Variants in CCDC102B observed in about 807,000 individuals in gnomAD.
CCDC102B encodes the protein coiled-coil domain-containing protein 102B.
A neutral mutation model predicts 57.4 loss-of-function variants in CCDC102B; 75 were observed. The observed-to-expected ratio is 1.31, with a 90% CI of 1.08 to 1.58. The LOEUF is 1.58. CCDC102B is among the 40% of genes most tolerant of loss of function. The pLI is 0.00. For missense variants in CCDC102B, 636 were observed against 582.6 expected (o/e 1.09, Z -0.94); for synonymous variants, 206 against 201.9 (o/e 1.02, Z -0.17).
chr18:68,941,049 G>T (rs973363846), intron 6 of CCDC102B, among the ~76,000 whole-genome samples: 1 of 150,568 alleles, frequency 6.6e-6, no homozygotes, highest in Non-Finnish European at 1.5e-5. Flanking sequence ...CTGAAACATA[G>T]GTAGAAGGAG....
intron 7 of CCDC102B, among the ~76,000 whole-genome samples, chr18:69,017,173 T>C (rs1413377127): frequency 6.6e-6 from 1 of 152,216 alleles, no homozygotes; most frequent in Non-Finnish European, 1.5e-5. Flanking sequence ...TGGAGTGCAG[T>C]GGGGCGGTCT....
intron 6 of CCDC102B, among the ~76,000 whole-genome samples, chr18:68,922,087 C>CTG (rs2041302118): frequency 1.3e-5 from 2 of 152,056 alleles, no homozygotes; most frequent in Admixed American, 1.3e-4. Context: ...CCATGCACAC[C>CTG]AGAATCCTGC....
intron 1 of CCDC102B, among the ~76,000 whole-genome samples, chr18:68,799,821 GA>G (rs766017073): frequency 6.6e-6 from 1 of 152,098 alleles, no homozygotes. Context: ...GATTGGAGCA[GA>G]AAAAATATAC....
intron 2 of CCDC102B, among the ~76,000 whole-genome samples, chr18:68,784,796 A>T (rs947960253): frequency 6.6e-6 from 1 of 152,126 alleles, no homozygotes; most frequent in Non-Finnish European, 1.5e-5. Flanking sequence ...TTGTCTTTAA[A>T]GCCATAGATT....
At chr18:68,911,647 G>C (rs2040864679) in intron 6 of CCDC102B, among the ~76,000 whole-genome samples, 1 of 146,330 alleles carries the variant, frequency 6.8e-6, no homozygotes, top group South Asian at 2.2e-4. Flanking sequence ...AGCTACTCGA[G>C]AGGCTGAGGC....
At chr18:69,045,022 G>T (rs1308038075) in intron 7 of CCDC102B, among the ~76,000 whole-genome samples, 4 of 152,024 alleles carry the variant, frequency 2.6e-5, no homozygotes, top group Non-Finnish European at 5.9e-5. Flanking sequence ...CTTGTTGTGT[G>T]TGCGCTCCTG....
At chr18:68,828,339 A>G (rs1028499511) in intron 1 of CCDC102B, among the ~76,000 whole-genome samples, 1 of 150,700 alleles carries the variant, frequency 6.6e-6, no homozygotes, top group Admixed American at 6.6e-5. Context: ...AAAAAAAAAA[A>G]AAAAAAAACC....
intron 7 of CCDC102B, among the ~76,000 whole-genome samples, chr18:69,046,326 T>C (rs1368364814): frequency 6.6e-6 from 1 of 152,194 alleles, no homozygotes; most frequent in East Asian, 1.9e-4. Flanking sequence ...CATTGTGGTT[T>C]TTATTTGCAT....
At position 68,838,709 on chromosome 18, in the gene CCDC102B, C is replaced by T; in HGVS notation, c.610C>T (p.Gln204Ter). 1.2e-6 allele frequency: 2 copies of T among 1,613,042 alleles called. No individual in the cohort carries two copies. Among genetic ancestry groups the T allele is most frequent in the Non-Finnish European group, 1.7e-6 (2 of 1,179,446 alleles). ...STKEDTNNKE[Q>*]GVVIDSLKLS... ...TTTTGTTTTGTTTTGTCTTCAGGAACAAGGTGTGGTTATTGATTCTCTAAA... is the reference window on the plus strand; with the variant it reads ...TTTTGTTTTGTTTTGTCTTCAGGAATAAGGTGTGGTTATTGATTCTCTAAA... Residue 204 changes from glutamine to a stop codon, truncating the protein, a stop_gained, in exon 3 of 8, where the codon CAA becomes TAA. Coordinates refer to ENST00000360242, the MANE Select transcript of CCDC102B (RefSeq NM_024781.3). LOFTEE classifies it high-confidence loss of function.
intron 5 of CCDC102B, among the ~76,000 whole-genome samples, chr18:68,885,502 A>C (rs574544522): frequency 1.3e-5 from 2 of 152,220 alleles, no homozygotes; most frequent in South Asian, 2.1e-4. Context: ...GCAGTGATAG[A>C]TAAATAAATG....
chr18:68,877,699 T>G (rs1020444550), intron 5 of CCDC102B, among the ~76,000 whole-genome samples: 1 of 152,242 alleles, frequency 6.6e-6, no homozygotes, highest in Non-Finnish European at 1.5e-5. Flanking sequence ...TTAGAACTTT[T>G]CCATCATTAT....
chr18:68,928,391 G>A (rs973096329), intron 6 of CCDC102B, among the ~76,000 whole-genome samples: 1 of 151,882 alleles, frequency 6.6e-6, no homozygotes, highest in Non-Finnish European at 1.5e-5. Flanking sequence ...TTGATAATTA[G>A]AGAGGCAGAG....
chr18:68,924,666 G>C (rs914373287), intron 6 of CCDC102B, among the ~76,000 whole-genome samples: 25 of 152,182 alleles, frequency 1.6e-4, no homozygotes, highest in Admixed American at 1.6e-3. Context: ...TTCTATGTGA[G>C]GGGAGATAGG....
intron 6 of CCDC102B, among the ~76,000 whole-genome samples, chr18:68,910,021 GA>G (rs2040782627): frequency 6.6e-6 from 1 of 152,126 alleles, no homozygotes. Context: ...ATTAGACTGG[GA>G]ATCCCATCTG....
In CCDC102B at chr18:68,952,554, C is replaced by A. The variant is rs184032986; in HGVS notation, c.1263+55126C>A. 3.9e-5 allele frequency among the ~76,000 whole-genome samples: 6 copies of A among 152,158 alleles called. No homozygotes were observed. The East Asian group carries it at 7.7e-4, about 20-fold the overall frequency. On this transcript the variant is annotated intron_variant, in intron 6 of 7. Transcript: ENST00000360242. ...GCTAAGTGAAGATGATCTGCCCTCACCCCTATTCTTTAGGTTTTACTCAAA... is the reference window on the plus strand; with the variant it reads ...GCTAAGTGAAGATGATCTGCCCTCAACCCTATTCTTTAGGTTTTACTCAAA...
At chr18:68,996,423 C>T (rs1029093818) in intron 6 of CCDC102B, among the ~76,000 whole-genome samples, 2 of 152,176 alleles carry the variant, frequency 1.3e-5, no homozygotes, top group Admixed American at 1.3e-4. Context: ...GACTGGCTTC[C>T]TGGCTTTTCG....
In CCDC102B at chr18:68,911,918, G is replaced by T. The variant is rs181530545; in HGVS notation, c.1263+14490G>T. ...AAAGTAAAAAAAAAGTTAGCTCCAG[G>T]AACTAAAATGTCAGCATACATTTAC... On this transcript the variant is annotated intron_variant, in intron 6 of 7. Transcript: ENST00000360242. Among the ~76,000 whole-genome samples the T allele has an allele frequency of 2.6e-3, 391 of 151,778 alleles. 1 individual carries two copies. The highest frequency in any genetic ancestry group is 4.6e-3 in the Non-Finnish European group (312 of 67,910).
At chr18:68,853,047 C>T (rs2038205226) in intron 4 of CCDC102B, among the ~76,000 whole-genome samples, 2 of 152,162 alleles carry the variant, frequency 1.3e-5, no homozygotes, top group South Asian at 2.1e-4. Flanking sequence ...TCCACTCTGA[C>T]TTTTCACCCA....
At chr18:68,946,582 G>A (rs1258197878) in intron 6 of CCDC102B, among the ~76,000 whole-genome samples, 4 of 151,866 alleles carry the variant, frequency 2.6e-5, no homozygotes, top group Non-Finnish European at 5.9e-5. Context: ...ACATTATATG[G>A]CTAAGTGCTT....
Sources: gnomAD v4.1 joint callset for allele counts (sites outside exome capture counted in the v4.1 genomes callset) on GRCh38, gnomAD v4.1.1 for gene constraint, MANE v1.5 for transcripts, NCBI Gene and HGNC (gene_info 2026-07-23, HGNC 2026-07-21) for gene names.